CELF2: variants seen among roughly 807,000 people sequenced by gnomAD.
CELF2 encodes CUG triplet repeat RNA-binding protein 2.
A neutral mutation model predicts 62.6 loss-of-function variants in CELF2; 8 were observed. The ratio of observed to expected loss-of-function variants is 0.13; its 90% CI spans 0.07 to 0.23. The LOEUF is 0.23. Among genes scored for constraint, CELF2 ranks in the 10% least tolerant of loss-of-function variants. The probability of loss-of-function intolerance (pLI) is 1.00; values close to 1 mark genes in which losing one functional copy is unlikely to be tolerated. For missense variants in CELF2, 333 were observed against 671.0 expected, an observed-to-expected ratio of 0.50 and a Z score of 5.56; for synonymous variants, 258 against 250.0, an observed-to-expected ratio of 1.03 and a Z score of -0.30.
At chr10:10,833,013 CTGTGTGTGTGTGTGTGTGTGTG>C (rs71378768) in intron 1 of CELF2, among the ~76,000 whole-genome samples, 28 of 144,508 alleles carry the variant, frequency 1.9e-4, no homozygotes, top group African/African-American at 7.0e-4. Flanking sequence ...ACAGAAAACT[CTGTGTGTGTGTGTGTGTGTGTG>C]TGTGTGTGTG....
intron 2 of CELF2, among the ~76,000 whole-genome samples, chr10:10,924,622 G>C (rs188961558): frequency 2.0e-5 from 3 of 151,370 alleles, no homozygotes; most frequent in Non-Finnish European, 4.4e-5. Flanking sequence ...ATCTTGTACT[G>C]GATTTTAGTA....
chr10:11,139,014 GA>G (rs756444852), intron 1 of CELF2, among the ~76,000 whole-genome samples: 3 of 152,092 alleles, frequency 2.0e-5, no homozygotes, highest in Non-Finnish European at 4.4e-5. Flanking sequence ...CTATTTTTTG[GA>G]AAGTACATAT....
intron 1 of CELF2, among the ~76,000 whole-genome samples, chr10:11,132,999 A>T (rs983415469): frequency 6.6e-6 from 1 of 152,222 alleles, no homozygotes; most frequent in Admixed American, 6.5e-5. Flanking sequence ...TGTTTGGTCA[A>T]ATTGAGTCAT....
chr10:10,508,700 G>GTA, the CELF2 span, among the ~76,000 whole-genome samples: 273 of 33,962 alleles, frequency 8.0e-3, no homozygotes, highest in African/African-American at 0.019. Context: ...GTGTGTGTGT[G>GTA]TGTGTATATT....
At chr10:11,278,705 T>C (rs2087080917) in intron 8 of CELF2, among the ~76,000 whole-genome samples, 2 of 152,162 alleles carry the variant, frequency 1.3e-5, no homozygotes, top group African/African-American at 4.8e-5. Context: ...GTTACTACAT[T>C]ACGGTTGGAA....
chr10:10,811,249 G>T (rs1157688675), intron 1 of CELF2, among the ~76,000 whole-genome samples: 2 of 152,206 alleles, frequency 1.3e-5, no homozygotes, highest in African/African-American at 4.8e-5. Context: ...GGTCAGGACA[G>T]ATTTTAATTA....
At chr10:10,484,518 T>C in the CELF2 span, among the ~76,000 whole-genome samples, 2 of 150,634 alleles carry the variant, frequency 1.3e-5, no homozygotes, top group South Asian at 4.3e-4. Context: ...AGTTTCACCA[T>C]GTTGGCCAGG....
At chr10:10,744,668 C>T in the CELF2 span, among the ~76,000 whole-genome samples, 1 of 151,778 alleles carries the variant, frequency 6.6e-6, no homozygotes, top group South Asian at 2.1e-4. Context: ...ATTATACTAG[C>T]AAAAATGATT....
the CELF2 span, among the ~76,000 whole-genome samples, chr10:10,597,494 T>C: frequency 6.6e-6 from 1 of 152,132 alleles, no homozygotes; most frequent in Non-Finnish European, 1.5e-5. Context: ...CACTTCCAAG[T>C]CATTTCTAGG....
intron 1 of CELF2, among the ~76,000 whole-genome samples, chr10:11,087,073 T>C (rs1225229629): frequency 6.6e-6 from 1 of 152,140 alleles, no homozygotes; most frequent in Admixed American, 6.5e-5. Flanking sequence ...CTCTAGATGG[T>C]GTTTGGGAAG....
chr10:10,515,349 C>T, the CELF2 span, among the ~76,000 whole-genome samples: 1 of 152,096 alleles, frequency 6.6e-6, no homozygotes, highest in African/African-American at 2.4e-5. Flanking sequence ...CCCAAATCCA[C>T]CATTGGAGTC....
chr10:11,132,317 C>G (rs1024391861), intron 1 of CELF2, among the ~76,000 whole-genome samples: 1 of 152,300 alleles, frequency 6.6e-6, no homozygotes, highest in African/African-American at 2.4e-5. Context: ...TGTTACTTCT[C>G]TATTTGTCCC....
chr10:11,127,836 G>C (rs909325924), intron 1 of CELF2, among the ~76,000 whole-genome samples: 2 of 152,154 alleles, frequency 1.3e-5, no homozygotes, highest in Admixed American at 6.5e-5. Flanking sequence ...TAGGTTGTCT[G>C]TTCACTCTGA....
At chr10:11,142,735 C>CT (rs974155445) in intron 1 of CELF2, among the ~76,000 whole-genome samples, 13 of 149,810 alleles carry the variant, frequency 8.7e-5, no homozygotes, top group African/African-American at 3.2e-4. Flanking sequence ...GATTAATGAC[C>CT]ACAGGATCCG....
intron 8 of CELF2, among the ~76,000 whole-genome samples, chr10:11,284,081 G>T (rs1325831915): frequency 4.1e-5 from 6 of 146,918 alleles, no homozygotes; most frequent in Non-Finnish European, 3.0e-5. Context: ...GTGGATGATG[G>T]ATGGAGGAGT....
the CELF2 span, among the ~76,000 whole-genome samples, chr10:10,525,559 T>C: frequency 6.6e-6 from 1 of 152,174 alleles, no homozygotes; most frequent in East Asian, 1.9e-4. Context: ...GTTTCAACAT[T>C]TTAGATTCTA....
chr10:10,571,891 C>T, the CELF2 span, among the ~76,000 whole-genome samples: 1 of 152,028 alleles, frequency 6.6e-6, no homozygotes, highest in Non-Finnish European at 1.5e-5. Flanking sequence ...GGGTCTGGAA[C>T]CCAAGACTTT....
intron 1 of CELF2, among the ~76,000 whole-genome samples, chr10:11,108,570 G>A (rs1484197489): frequency 6.6e-6 from 1 of 152,116 alleles, no homozygotes; most frequent in Admixed American, 6.5e-5. Flanking sequence ...GGGCTTGGCG[G>A]GAGGGTTCAT....
In CELF2 at chr10:11,247,579, C is replaced by A. The variant is rs2075984233; in HGVS notation, c.355-1574C>A. Among the ~76,000 whole-genome samples the A allele has an allele frequency of 6.6e-6, 1 of 151,880 alleles. No individual in the cohort carries two copies. Among genetic ancestry groups the A allele is most frequent in the African/African-American group, 2.4e-5 (1 of 41,368 alleles). ...TCTCCTGCCCCTGCCATCCCACCCC[C>A]TCCATCCTATGCCCGCCATCCCATG... On this transcript the variant is annotated intron_variant, in intron 3 of 12. Transcript: ENST00000633077. This position sits in a 1 kb window ranked among gnomAD's most constrained non-coding sequence, Gnocchi z 5.4.
Sources: gnomAD v4.1 joint callset for allele counts (sites outside exome capture counted in the v4.1 genomes callset) on GRCh38, gnomAD v4.1.1 for gene constraint, Gnocchi (gnomAD v3.1) non-coding constraint, MANE v1.5 for transcripts, NCBI Gene and HGNC (gene_info 2026-07-23, HGNC 2026-07-21) for gene names.